The following GLI2 variants were observed in gnomAD, a reference collection of about 807,000 sequenced individuals.
GLI2 encodes GLI family zinc finger 2.
GLI2 carries 22 observed loss-of-function variants against 78.9 expected under a neutral mutation model. The observed-to-expected ratio is 0.28, with a 90% CI of 0.20 to 0.40. The LOEUF is 0.40. Among genes scored for constraint, GLI2 ranks in the 10% least tolerant of loss-of-function variants. The pLI, the probability that GLI2 is intolerant of heterozygous loss-of-function variation, is 1.00. For synonymous variants in GLI2, 974 were observed against 963.7 expected (o/e 1.01, Z -0.20); for missense variants, 2,097 against 2,213.2 (o/e 0.95, Z 1.05).
chr2:120,815,685 C>T (rs1685462475), intron 2 of GLI2, among the ~76,000 whole-genome samples: 1 of 152,118 alleles, frequency 6.6e-6, no homozygotes, highest in Admixed American at 6.5e-5. Flanking sequence ...AATGCCCTCC[C>T]CATACCAGTT....
chr2:120,780,953 C>CAG (rs1193929068), intron 1 of GLI2, among the ~76,000 whole-genome samples: 81 of 152,254 alleles, frequency 5.3e-4, no homozygotes, highest in African/African-American at 1.8e-3. Flanking sequence ...CCCCAGCTGC[C>CAG]CTGGGGCTGT....
At chr2:120,848,325 G>T (rs1022480051) in intron 2 of GLI2, among the ~76,000 whole-genome samples, 2 of 152,192 alleles carry the variant, frequency 1.3e-5, no homozygotes, top group South Asian at 2.1e-4. Context: ...GCTCCTTGGC[G>T]TTGGGAGCTA....
intron 2 of GLI2, among the ~76,000 whole-genome samples, chr2:120,813,113 C>T (rs1685334964): frequency 1.3e-5 from 2 of 152,318 alleles, no homozygotes; most frequent in African/African-American, 2.4e-5. Context: ...TCCTGGCCAG[C>T]GCCTGAGCAC....
At chr2:120,936,572 G>A (rs1434684421) in intron 3 of GLI2, among the ~76,000 whole-genome samples, 1 of 152,238 alleles carries the variant, frequency 6.6e-6, no homozygotes, top group African/African-American at 2.4e-5. Flanking sequence ...TGTCCTCAGA[G>A]AGGAAAGAGA....
chr2:120,845,985 C>G (rs1228867831), intron 2 of GLI2, among the ~76,000 whole-genome samples: 1 of 152,146 alleles, frequency 6.6e-6, no homozygotes, highest in Non-Finnish European at 1.5e-5. Flanking sequence ...TGGTTAGAGG[C>G]AGAGCCAGGA....
At chr2:120,983,207 T>C (rs1034321289) in intron 11 of GLI2, among the ~76,000 whole-genome samples, 15 of 152,244 alleles carry the variant, frequency 9.9e-5, no homozygotes, top group African/African-American at 3.6e-4. Flanking sequence ...AGAGTTGAAG[T>C]TGAAGCAGGG....
intron 5 of GLI2, among the ~76,000 whole-genome samples, chr2:120,958,641 T>C (rs1302595870): frequency 6.6e-6 from 1 of 152,118 alleles, no homozygotes; most frequent in Non-Finnish European, 1.5e-5. Context: ...GAGGCCTTCC[T>C]CTCCAGCTCA....
rs944399582 is a variant in GLI2, at chr2:120,951,105, C to T, written c.255-138C>T. 4.7e-5 allele frequency: 34 copies of T among 725,076 alleles called. 1 individual carries two copies. Among genetic ancestry groups the T allele is most frequent in the Non-Finnish European group, 6.4e-5 (25 of 389,216 alleles). 44.9% of individuals were successfully genotyped at this position (725,076 alleles called of 1,614,324 possible). On this transcript the variant is annotated intron_variant, in intron 3 of 13. Coordinates refer to ENST00000361492, the MANE Select transcript of GLI2 (RefSeq NM_001374353.1). ...AATTCACAGATGACCAGGGGAATGTCGGTGTAGCAAATAATAAGTGCAGGT... is the reference window on the plus strand; with the variant it reads ...AATTCACAGATGACCAGGGGAATGTTGGTGTAGCAAATAATAAGTGCAGGT...
chr2:120,786,613 A>G (rs1684004326), intron 1 of GLI2, among the ~76,000 whole-genome samples: 3 of 152,210 alleles, frequency 2.0e-5, no homozygotes, highest in South Asian at 2.1e-4. Flanking sequence ...GTTAATATGT[A>G]TAGGCTTCAG....
At chr2:120,850,925 A>G (rs1178948297) in intron 2 of GLI2, among the ~76,000 whole-genome samples, 1 of 152,250 alleles carries the variant, frequency 6.6e-6, no homozygotes, top group Admixed American at 6.5e-5. Context: ...CCTTCCTTAT[A>G]TAGATCAGAT....
chr2:120,978,463 GAA>G lies in GLI2; in HGVS notation c.1348_1349del (p.Lys450GlufsTer69). Reference sequence around the variant, plus strand: ...TCAACAACGAGCACATCCACGGGGAGAAGAAGGAGTTTGTGTGCCGCTGGCAG... The same window carrying G: ...TCAACAACGAGCACATCCACGGGGAGGAAGGAGTTTGTGTGCCGCTGGCAG... ...HINNEHIHGE[K>X]KEFVCRWQAC... On this transcript the variant is annotated frameshift_variant, in exon 10 of 14. Coordinates refer to ENST00000361492, the MANE Select transcript of GLI2 (RefSeq NM_001374353.1). LOFTEE classifies it high-confidence loss of function. 6.2e-7 allele frequency: 1 copy of G among 1,614,190 alleles called. No homozygotes were observed. Among genetic ancestry groups the G allele is most frequent in the Non-Finnish European group, 8.5e-7 (1 of 1,180,024 alleles).
chr2:120,948,057 G>C (rs1421690511), intron 3 of GLI2, among the ~76,000 whole-genome samples: 2 of 152,210 alleles, frequency 1.3e-5, no homozygotes, highest in African/African-American at 4.8e-5. Flanking sequence ...CACACCAAGG[G>C]AACAGTCAGT....
chr2:120,835,481 G>C (rs893505016), intron 2 of GLI2, among the ~76,000 whole-genome samples: 1 of 151,706 alleles, frequency 6.6e-6, no homozygotes, highest in South Asian at 2.1e-4. Flanking sequence ...CGTCTCCTGG[G>C]TTCCGGAGAT....
At chr2:120,978,389 G>T in intron 9 of GLI2, 45 bp from the exon 10 acceptor site, 1 of 1,612,054 alleles carries the variant, frequency 6.2e-7, no homozygotes, top group South Asian at 1.1e-5. Context: ...TGGTCTGTGG[G>T]CCTCTGGCCC....
chr2:120,873,199 T>A (rs919277805), intron 2 of GLI2, among the ~76,000 whole-genome samples: 1 of 152,234 alleles, frequency 6.6e-6, no homozygotes, highest in Non-Finnish European at 1.5e-5. Context: ...AACTTTTTGG[T>A]CTCAGGACCC....
intron 5 of GLI2, among the ~76,000 whole-genome samples, chr2:120,957,179 G>A (rs999686317): frequency 1.4e-4 from 22 of 152,184 alleles, no homozygotes; most frequent in African/African-American, 5.3e-4. Flanking sequence ...GCCAGGCCCT[G>A]GTGGGAGGCC....
rs565191654 is a variant in GLI2, at chr2:120,741,499, TCTC to T, written c.-31+5217_-31+5219del. Among the ~76,000 whole-genome samples, 4 of 149,216 alleles carry T rather than the reference TCTC, an allele frequency of 2.7e-5. No homozygotes were observed. In the South Asian group the frequency reaches 8.8e-4, roughly 33 times the overall value. On this transcript the variant is annotated intron_variant, in intron 1 of 13. Coordinates refer to ENST00000361492, the MANE Select transcript of GLI2 (RefSeq NM_001374353.1). ...TCTCCCTCTCCGTTCTCTCTCCCCT[TCTC>T]CTTTCTTCTCTTTCCCTCCGTTTCC...
chr2:120,817,000 A>G (rs4848636), intron 2 of GLI2, among the ~76,000 whole-genome samples: 150,882 of 152,342 alleles, frequency 0.99, 74,725 homozygotes, highest in Middle Eastern at 1. Context: ...TATTTTGTAT[A>G]ACCGTGCATC....
chr2:120,988,582 C>T lies in GLI2; in HGVS notation c.2617C>T (p.Arg873Trp), dbSNP rs775833166. The change falls in exon 14 of 14, where the codon CGG (arginine) becomes TGG (tryptophan). Residue 873 changes from arginine (R) to tryptophan (W), a missense_variant. By Grantham distance (101) the Arg-to-Trp change is moderately radical. Coordinates refer to ENST00000361492, the MANE Select transcript of GLI2 (RefSeq NM_001374353.1). ...CACGCCGGCGCAGCAGTACAGCCTG[C>T]GGGCCAAGTACGCGGCAGCCACTGG... ...NLTPAQQYSL[R>W]AKYAAATGGP... The T allele has an allele frequency of 2.0e-6, 3 of 1,491,910 alleles. No homozygotes were observed. The highest frequency in any genetic ancestry group is 2.9e-5 in the African/African-American group (2 of 68,566). The allele number at this position is 1,491,910 out of a possible 1,614,324, so 92.4% of individuals were successfully genotyped here.
Sources: allele counts gnomAD v4.1 joint callset (sites outside exome capture counted in the v4.1 genomes callset), GRCh38; gene constraint gnomAD v4.1.1; transcripts MANE v1.5; gene names NCBI Gene and HGNC (gene_info 2026-07-23, HGNC 2026-07-21).